The following PPP6R2 variants were observed in gnomAD, a reference collection of about 807,000 sequenced individuals.
PPP6R2 encodes protein phosphatase 6 regulatory subunit 2.
PPP6R2 carries 62 observed loss-of-function variants against 100.2 expected under a neutral mutation model. The observed-to-expected ratio is 0.62, with a 90% CI of 0.50 to 0.76. PPP6R2 has a LOEUF of 0.76. PPP6R2 is among the 30% of genes least tolerant of loss of function. The probability of loss-of-function intolerance (pLI) is 0.00; values close to 1 mark genes in which losing one functional copy is unlikely to be tolerated. For missense variants in PPP6R2, 1,142 were observed against 1,276.3 expected (o/e 0.89, Z 1.60); for synonymous variants, 525 against 514.7 (o/e 1.02, Z -0.27).
chr22:50,443,982 T>TG lies in PPP6R2; in HGVS notation c.2697dup (p.Ser900GlufsTer93). 1 of 1,612,530 alleles carries TG rather than the reference T, an allele frequency of 6.2e-7. No homozygotes were observed. The highest frequency in any genetic ancestry group is 8.5e-7 in the Non-Finnish European group (1 of 1,179,744). On this transcript the variant is annotated frameshift_variant, in exon 23 of 24. Coordinates refer to ENST00000612753, the MANE Select transcript of PPP6R2 (RefSeq NM_001242898.2). LOFTEE classifies it high-confidence loss of function. ...GCTACTGTGGCCATCACCACAGCAC[T>TG]GAGCAAGGCTGGCCCCGCCATACCC...
chr22:50,386,560 A>G (rs1037315919), intron 2 of PPP6R2, among the ~76,000 whole-genome samples: 1 of 152,194 alleles, frequency 6.6e-6, no homozygotes, highest in Non-Finnish European at 1.5e-5. Context: ...AGGAGGTCCC[A>G]AAGAACAGTG....
In PPP6R2 at chr22:50,403,480, C is replaced by T. The variant is rs952560450; in HGVS notation, c.228-3209C>T. ...GTGTTGTCCACTTGCTGGCCAGCCC[C>T]TCTGACATCCCACAGGGTGGGTACT... is the stretch of plus-strand genomic sequence containing the variant. On this transcript the variant is annotated intron_variant, in intron 3 of 23. Coordinates refer to ENST00000612753, the MANE Select transcript of PPP6R2 (RefSeq NM_001242898.2). Among the ~76,000 whole-genome samples the T allele has an allele frequency of 3.9e-5, 6 of 152,324 alleles. No individual in the cohort carries two copies. In the South Asian group the frequency reaches 1.2e-3, roughly 32 times the overall value.
Position 50,394,113 on chromosome 22 carries a change from A to G in PPP6R2, c.205A>G (p.Met69Val), listed in dbSNP as rs750327159. The G allele has an allele frequency of 8.1e-6, 13 of 1,614,108 alleles. No homozygotes were observed. The highest frequency in any genetic ancestry group is 1.3e-5 in the African/African-American group (1 of 75,060). Residue 69 changes from methionine to valine, a missense_variant, in exon 3 of 24, where the codon ATG (methionine) becomes GTG (valine). Physicochemically the swap from Met to Val is conservative, Grantham distance 21. Around this residue, in one of 2 missense-constraint regions of PPP6R2, gnomAD observed 592 missense variants for 758.9 expected, o/e 0.78. Coordinates refer to ENST00000612753, the MANE Select transcript of PPP6R2 (RefSeq NM_001242898.2). ...CATCACACAGGATCCGCCCCTGGAC[A>G]TGGAGGAGAAGGTCCGCTTCAAGTA... is the stretch of plus-strand genomic sequence containing the variant. ...SLITQDPPLD[M>V]EEKVRFKYPN... is the part of the protein sequence containing the mutation.
intron 10 of PPP6R2, among the ~76,000 whole-genome samples, chr22:50,424,641 T>C (rs2061831911): frequency 1.6e-5 from 2 of 124,496 alleles, no homozygotes; most frequent in Non-Finnish European, 3.2e-5. Context: ...TTCTTTTTTT[T>C]TTTTTTTTTT....
chr22:50,422,733 G>C (rs193249908), intron 9 of PPP6R2, among the ~76,000 whole-genome samples: 1 of 152,244 alleles, frequency 6.6e-6, no homozygotes, highest in African/African-American at 2.4e-5. Flanking sequence ...AGCATGTTGA[G>C]GGGGGTGAGG....
At chr22:50,341,204 G>A (rs754995397), upstream of PPP6R2, among the ~76,000 whole-genome samples, 4 of 152,012 alleles carry the variant, frequency 2.6e-5, no homozygotes, top group Non-Finnish European at 5.9e-5. Context: ...GAGCCACCGC[G>A]CCTGTCCCTT....
At chr22:50,342,877 G>A (rs1462539781), upstream of PPP6R2, among the ~76,000 whole-genome samples, 2 of 152,256 alleles carry the variant, frequency 1.3e-5, no homozygotes, top group Non-Finnish European at 2.9e-5. Flanking sequence ...CCGGGGCTGA[G>A]CCCGCTCCTG....
At chr22:50,348,548 G>A (rs2044269023) in intron 1 of PPP6R2, among the ~76,000 whole-genome samples, 2 of 152,104 alleles carry the variant, frequency 1.3e-5, no homozygotes, top group African/African-American at 4.8e-5. Flanking sequence ...ATTGAAATAG[G>A]GAAGCTGAAT....
In PPP6R2 at chr22:50,439,696, A is replaced by T; in HGVS notation, c.2129-5A>T. ...CGCCTGACCACTGTGTCTCTCCCCC[A>T]GCAGGCGCCATGTGGACGGCAGTGT... On this transcript the variant is annotated splice_polypyrimidine_tract_variant and splice_region_variant and intron_variant, in intron 19 of 23. Transcript: ENST00000612753. The T allele has an allele frequency of 6.3e-7, 1 of 1,578,346 alleles. No individual in the cohort carries two copies. Among genetic ancestry groups the T allele is most frequent in the Non-Finnish European group, 8.6e-7 (1 of 1,161,006 alleles).
intron 22 of PPP6R2, chr22:50,443,337 C>T (rs916785860): frequency 5.9e-5 from 9 of 153,284 alleles, no homozygotes; most frequent in Admixed American, 1.3e-4. Context: ...AGCTTCCTCG[C>T]GCCCCCGCCT....
At chr22:50,424,364 C>T (rs61444217) in intron 10 of PPP6R2, among the ~76,000 whole-genome samples, 2 of 103,190 alleles carry the variant, frequency 1.9e-5, no homozygotes, top group Non-Finnish European at 3.9e-5. Context: ...AAGGTCCGTC[C>T]GCGTGTGGAA....
chr22:50,351,940 C>G (rs961736870), intron 1 of PPP6R2, among the ~76,000 whole-genome samples: 6 of 152,162 alleles, frequency 3.9e-5, no homozygotes, highest in Non-Finnish European at 8.8e-5. Flanking sequence ...ACTACAGGTG[C>G]ACACCACCAT....
At chr22:50,441,513 C>T (rs982576871) in intron 22 of PPP6R2, among the ~76,000 whole-genome samples, 3 of 152,154 alleles carry the variant, frequency 2.0e-5, no homozygotes, top group African/African-American at 7.2e-5. Context: ...CCTGCTGCTC[C>T]CCTTCCACGG....
At chr22:50,440,733 G>C in intron 21 of PPP6R2, 89 bp from the exon 22 acceptor site, 2 of 1,436,208 alleles carry the variant, frequency 1.4e-6, no homozygotes, top group Non-Finnish European at 1.9e-6. Context: ...ATGTGAGAGG[G>C]CCACATGTAT....
chr22:50,351,059 A>G (rs1318592174), intron 1 of PPP6R2, among the ~76,000 whole-genome samples: 2 of 44,102 alleles, frequency 4.5e-5, no homozygotes, highest in Non-Finnish European at 7.1e-5. Context: ...TTTTTTTTTG[A>G]GACAGAGTTT....
chr22:50,355,532 T>TTTTTTTC (rs2046325482), intron 1 of PPP6R2, among the ~76,000 whole-genome samples: 1 of 110,754 alleles, frequency 9.0e-6, no homozygotes, highest in African/African-American at 3.6e-5. Flanking sequence ...CCCGGCCTTT[T>TTTTTTTC]TTTTTTGAGA....
At chr22:50,339,074 G>A (rs376226508), upstream of PPP6R2, among the ~76,000 whole-genome samples, 10 of 132,716 alleles carry the variant, frequency 7.5e-5, no homozygotes, top group South Asian at 1.8e-3. Flanking sequence ...GGTGTATGTG[G>A]TATGTGGTGT....
At chr22:50,396,047 T>C in intron 3 of PPP6R2, among the ~76,000 whole-genome samples, 1 of 148,228 alleles carries the variant, frequency 6.7e-6, no homozygotes, top group Middle Eastern at 3.6e-3. Flanking sequence ...ATACAAAAAT[T>C]AGCAGGGCGT....
At chr22:50,370,673 G>T (rs1465606798) in intron 1 of PPP6R2, among the ~76,000 whole-genome samples, 3 of 147,082 alleles carry the variant, frequency 2.0e-5, no homozygotes, top group Admixed American at 1.4e-4. Flanking sequence ...TCACTCTGTT[G>T]CCCAGGCTGG....
Sources: gnomAD v4.1 joint callset for allele counts (sites outside exome capture counted in the v4.1 genomes callset) on GRCh38, gnomAD v4.1.1 for gene constraint, gnomAD v4.1.1 regional missense constraint, MANE v1.5 for transcripts, NCBI Gene and HGNC (gene_info 2026-07-23, HGNC 2026-07-21) for gene names.